RSRC1: variants seen among roughly 807,000 people sequenced by gnomAD.
The protein encoded by RSRC1 is arginine and serine rich coiled-coil 1.
In RSRC1, 39 loss-of-function variants were observed where a neutral mutation model predicts 49.1. That is an observed-to-expected ratio of 0.79 (90% confidence interval 0.61 to 1.04). The LOEUF (loss-of-function observed/expected upper bound fraction) is 1.04. Among genes scored for constraint, RSRC1 ranks in the 50% least tolerant of loss-of-function variants. The probability of loss-of-function intolerance (pLI) is 0.00; values close to 1 mark genes in which losing one functional copy is unlikely to be tolerated. For synonymous variants in RSRC1, 143 were observed against 130.8 expected, an observed-to-expected ratio of 1.09 and a Z score of -0.63; for missense variants, 388 against 402.4, an observed-to-expected ratio of 0.96 and a Z score of 0.31.
chr3:158,379,198 T>A (rs1293690312), intron 6 of RSRC1, among the ~76,000 whole-genome samples: 1 of 138,680 alleles, frequency 7.2e-6, no homozygotes, highest in Non-Finnish European at 1.6e-5. Flanking sequence ...ACCACTTTTT[T>A]TTTTTTTTTT....
intron 3 of RSRC1, among the ~76,000 whole-genome samples, chr3:158,194,919 C>G (rs1720486190): frequency 6.6e-6 from 1 of 152,126 alleles, no homozygotes; most frequent in Non-Finnish European, 1.5e-5. Flanking sequence ...AGGATAGGTT[C>G]CAAGTCTTTG....
At chr3:158,195,648 A>G (rs548551252) in intron 3 of RSRC1, among the ~76,000 whole-genome samples, 5 of 152,196 alleles carry the variant, frequency 3.3e-5, no homozygotes, top group East Asian at 3.9e-4. Context: ...ATTTAAGTCT[A>G]TAATCCATGT....
intron 6 of RSRC1, among the ~76,000 whole-genome samples, chr3:158,418,622 C>A (rs575289763): frequency 6.6e-6 from 1 of 152,008 alleles, no homozygotes; most frequent in East Asian, 2.0e-4. Flanking sequence ...TTTACCTCCA[C>A]AGAAAGGTAG....
intron 3 of RSRC1, among the ~76,000 whole-genome samples, chr3:158,151,019 G>C (rs1026410575): frequency 1.3e-5 from 2 of 152,078 alleles, no homozygotes; most frequent in Non-Finnish European, 2.9e-5. Flanking sequence ...TATTTTACTT[G>C]ATATTGCCCA....
At chr3:158,293,152 T>G (rs1727035131) in intron 4 of RSRC1, among the ~76,000 whole-genome samples, 2 of 152,166 alleles carry the variant, frequency 1.3e-5, no homozygotes, top group African/African-American at 4.8e-5. Flanking sequence ...AAGCTTTATG[T>G]ATATGCAAAC....
At chr3:158,471,940 A>G (rs1738148638) in intron 7 of RSRC1, among the ~76,000 whole-genome samples, 1 of 152,186 alleles carries the variant, frequency 6.6e-6, no homozygotes, top group African/African-American at 2.4e-5. Flanking sequence ...ATACCACATT[A>G]TGGTTGTTTT....
At chr3:158,343,336 A>G (rs1730360283) in intron 5 of RSRC1, among the ~76,000 whole-genome samples, 1 of 152,206 alleles carries the variant, frequency 6.6e-6, no homozygotes, top group East Asian at 1.9e-4. Context: ...CTAGAACAAA[A>G]TTCCAAGTCT....
intron 4 of RSRC1, among the ~76,000 whole-genome samples, chr3:158,291,384 C>A (rs903826122): frequency 1.3e-5 from 2 of 152,064 alleles, no homozygotes; most frequent in East Asian, 1.9e-4. Flanking sequence ...TATAATTAAA[C>A]CCTCACTGGA....
chr3:158,283,602 A>G (rs1726311035), intron 4 of RSRC1, among the ~76,000 whole-genome samples: 1 of 151,804 alleles, frequency 6.6e-6, no homozygotes, highest in Non-Finnish European at 1.5e-5. Context: ...TTGTATGGTT[A>G]TTATATTTTA....
At chr3:158,426,858 G>A (rs138768944) in intron 6 of RSRC1, among the ~76,000 whole-genome samples, 2 of 151,838 alleles carry the variant, frequency 1.3e-5, no homozygotes, top group African/African-American at 2.4e-5. Flanking sequence ...TAGCCTAGCC[G>A]GCTTTAAGCT....
intron 6 of RSRC1, among the ~76,000 whole-genome samples, chr3:158,397,957 ATGGAATGAGGCT>A: frequency 6.6e-6 from 1 of 152,242 alleles, no homozygotes; most frequent in South Asian, 2.1e-4. Context: ...AGGTTCAGAG[ATGGAATGAGGCT>A]TGTGATACCG....
intron 6 of RSRC1, among the ~76,000 whole-genome samples, chr3:158,382,035 A>G (rs972311099): frequency 2.0e-5 from 3 of 152,282 alleles, no homozygotes; most frequent in Admixed American, 2.0e-4. Flanking sequence ...AATAACACTC[A>G]GCTTACAACA....
At chr3:158,160,592 G>C (rs888457393) in intron 3 of RSRC1, among the ~76,000 whole-genome samples, 5 of 152,086 alleles carry the variant, frequency 3.3e-5, no homozygotes, top group Non-Finnish European at 7.4e-5. Flanking sequence ...AGATCCGAGA[G>C]AAAGGGAAGG....
chr3:158,419,848 A>G (rs1389738591), intron 6 of RSRC1, among the ~76,000 whole-genome samples: 1 of 151,750 alleles, frequency 6.6e-6, no homozygotes, highest in East Asian at 1.9e-4. Flanking sequence ...GGCTAATGCA[A>G]CACACTCAAA....
intron 7 of RSRC1, among the ~76,000 whole-genome samples, chr3:158,524,880 C>T (rs1711912196): frequency 6.6e-6 from 1 of 151,944 alleles, no homozygotes; most frequent in South Asian, 2.1e-4. Context: ...TCACATCATA[C>T]ATAAGAATTA....
intron 1 of RSRC1, among the ~76,000 whole-genome samples, chr3:158,113,188 T>G (rs1445735674): frequency 6.6e-6 from 1 of 152,202 alleles, no homozygotes; most frequent in Non-Finnish European, 1.5e-5. Flanking sequence ...TCAAATGGTA[T>G]TTCTGGTTCT....
chr3:158,295,263 T>A (rs1048171790), intron 4 of RSRC1, among the ~76,000 whole-genome samples: 4 of 113,798 alleles, frequency 3.5e-5, no homozygotes, highest in African/African-American at 7.3e-5. Flanking sequence ...GCATTTTAGG[T>A]AGGGGTGAAA....
At chr3:158,197,707 G>C (rs780416143) in intron 3 of RSRC1, among the ~76,000 whole-genome samples, 1 of 152,000 alleles carries the variant, frequency 6.6e-6, no homozygotes, top group African/African-American at 2.4e-5. Context: ...GTTCTCGTTG[G>C]TTTCAAAGAA....
intron 4 of RSRC1, among the ~76,000 whole-genome samples, chr3:158,218,976 T>C (rs1371112338): frequency 6.6e-6 from 1 of 151,536 alleles, no homozygotes; most frequent in Non-Finnish European, 1.5e-5. Flanking sequence ...ATGATAACAA[T>C]GTAGTAAGAG....
Sources: allele counts gnomAD v4.1 joint callset (sites outside exome capture counted in the v4.1 genomes callset), GRCh38; gene constraint gnomAD v4.1.1; transcripts MANE v1.5; gene names NCBI Gene and HGNC (gene_info 2026-07-23, HGNC 2026-07-21).